BMPR1B: variants seen among roughly 807,000 people sequenced by gnomAD.
BMPR1B encodes bone morphogenetic protein receptor type 1B.
A neutral mutation model predicts 59.1 loss-of-function variants in BMPR1B; 12 were observed. The ratio of observed to expected loss-of-function variants is 0.20; its 90% CI spans 0.13 to 0.33. The LOEUF is 0.33. BMPR1B is among the 10% of genes least tolerant of loss of function. BMPR1B has a pLI of 1.00. For missense variants in BMPR1B, 550 were observed against 610.9 expected (o/e 0.90, Z 1.05); for synonymous variants, 237 against 207.3 (o/e 1.14, Z -1.23).
At chr4:94,939,406 G>A (rs1480863144) in intron 2 of BMPR1B, among the ~76,000 whole-genome samples, 1 of 152,170 alleles carries the variant, frequency 6.6e-6, no homozygotes, top group African/African-American at 2.4e-5. Context: ...TGACAGTGTG[G>A]GGTCTGTGAT....
chr4:94,893,255 G>T (rs1472868972), intron 2 of BMPR1B, among the ~76,000 whole-genome samples: 2 of 151,968 alleles, frequency 1.3e-5, no homozygotes, highest in African/African-American at 4.8e-5. Flanking sequence ...AGGCAGACTT[G>T]CAAACCTAAC....
At chr4:94,967,613 G>C (rs1364694177) in intron 2 of BMPR1B, among the ~76,000 whole-genome samples, 3 of 152,034 alleles carry the variant, frequency 2.0e-5, no homozygotes, top group Non-Finnish European at 4.4e-5. Context: ...CTCCTGAGTA[G>C]CTGGGATTAC....
chr4:95,114,916 AT>A, intron 5 of BMPR1B, 94 bp downstream of exon 5: 1 of 1,199,990 alleles, frequency 8.3e-7, no homozygotes, highest in Non-Finnish European at 1.2e-6. Flanking sequence ...TGGCCAGCCC[AT>A]TTTTAGTATA....
intron 3 of BMPR1B, among the ~76,000 whole-genome samples, chr4:95,080,306 G>A (rs192992423): frequency 6.6e-6 from 1 of 151,660 alleles, no homozygotes; most frequent in Non-Finnish European, 1.5e-5. Context: ...GTACGATCTC[G>A]GCTCACTGCA....
At chr4:94,891,528 T>G (rs1258169027) in intron 2 of BMPR1B, among the ~76,000 whole-genome samples, 2 of 152,098 alleles carry the variant, frequency 1.3e-5, no homozygotes, top group African/African-American at 4.8e-5. Flanking sequence ...CAGTGATCTT[T>G]TCGGTACTAG....
At chr4:94,998,311 C>T (rs2149105724) in intron 3 of BMPR1B, among the ~76,000 whole-genome samples, 1 of 151,344 alleles carries the variant, frequency 6.6e-6, no homozygotes, top group Non-Finnish European at 1.5e-5. Flanking sequence ...TATTAGCCTC[C>T]TCATGGATCT....
intron 1 of BMPR1B, among the ~76,000 whole-genome samples, chr4:94,791,028 C>G (rs1172494451): frequency 1.3e-5 from 2 of 152,114 alleles, no homozygotes; most frequent in African/African-American, 4.8e-5. Flanking sequence ...TGCTCTGTTA[C>G]CTAGGCTAGA....
At chr4:95,090,025 G>A (rs901907317) in intron 3 of BMPR1B, among the ~76,000 whole-genome samples, 17 of 151,898 alleles carry the variant, frequency 1.1e-4, no homozygotes, top group Admixed American at 3.9e-4. Flanking sequence ...GGTGTTACTC[G>A]GAAATTGAAA....
chr4:94,807,749 A>G (rs535794413), intron 1 of BMPR1B, among the ~76,000 whole-genome samples: 3 of 152,322 alleles, frequency 2.0e-5, no homozygotes, highest in East Asian at 3.9e-4. Flanking sequence ...CAGTGGCACA[A>G]TGTTGGCTCA....
At chr4:95,053,516 T>C (rs1194512048) in intron 3 of BMPR1B, among the ~76,000 whole-genome samples, 1 of 152,142 alleles carries the variant, frequency 6.6e-6, no homozygotes, top group Non-Finnish European at 1.5e-5. Context: ...TACTATCAAT[T>C]TGACTATTAA....
At chr4:95,075,929 A>G (rs971829982) in intron 3 of BMPR1B, among the ~76,000 whole-genome samples, 1 of 152,078 alleles carries the variant, frequency 6.6e-6, no homozygotes, top group Non-Finnish European at 1.5e-5. Flanking sequence ...GAAGGATCAG[A>G]CTTGTTAATT....
chr4:94,987,929 T>C (rs1441521969), intron 2 of BMPR1B, among the ~76,000 whole-genome samples: 1 of 152,174 alleles, frequency 6.6e-6, no homozygotes, highest in Non-Finnish European at 1.5e-5. Flanking sequence ...CAGATAATGA[T>C]TTATCATCTG....
At chr4:95,011,848 A>C (rs545535633) in intron 3 of BMPR1B, among the ~76,000 whole-genome samples, 1 of 151,906 alleles carries the variant, frequency 6.6e-6, no homozygotes, top group Non-Finnish European at 1.5e-5. Flanking sequence ...GTGAAACCCT[A>C]TCTCTACTAA....
intron 3 of BMPR1B, among the ~76,000 whole-genome samples, chr4:95,057,916 G>T (rs1360011062): frequency 6.6e-6 from 1 of 152,102 alleles, no homozygotes; most frequent in Non-Finnish European, 1.5e-5. Flanking sequence ...AAATAATGAT[G>T]ATGTATTTCT....
rs73836121 is a variant in BMPR1B at position 94,853,818 on chromosome 4, A to C, written c.-182-22013A>C. Among the ~76,000 whole-genome samples, 702 of 152,106 alleles carry C rather than the reference A, an allele frequency of 4.6e-3. 5 individuals carry two copies. The highest frequency in any genetic ancestry group is 0.016 in the African/African-American group (668 of 41,558). ...ATTCTGTATGAATTCAACATTTGGA[A>C]ATTTAAAAAAAAACAAATGAATAAT... is the stretch of plus-strand genomic sequence containing the variant. On this transcript the variant is annotated intron_variant, in intron 1 of 12. Coordinates refer to ENST00000515059, the MANE Select transcript of BMPR1B (RefSeq NM_001203.3).
intron 3 of BMPR1B, chr4:95,051,884 A>G (rs1726532177): frequency 9.5e-7 from 1 of 1,053,412 alleles, no homozygotes; most frequent in African/African-American, 1.6e-5. Context: ...ATGTCTATAA[A>G]GTTCCATCCC....
At chr4:95,142,765 A>T (rs749879066) in intron 10 of BMPR1B, among the ~76,000 whole-genome samples, 1 of 149,296 alleles carries the variant, frequency 6.7e-6, no homozygotes, top group Non-Finnish European at 1.5e-5. Flanking sequence ...ACTTCAGTTT[A>T]TGGTACAGTG....
intron 1 of BMPR1B, among the ~76,000 whole-genome samples, chr4:94,851,484 C>G (rs1316058834): frequency 2.6e-5 from 4 of 151,934 alleles, no homozygotes; most frequent in African/African-American, 9.7e-5. Flanking sequence ...TCCTAACTTC[C>G]AAGAAGTTAG....
intron 3 of BMPR1B, among the ~76,000 whole-genome samples, chr4:95,034,146 T>C (rs1023389702): frequency 6.6e-6 from 1 of 152,150 alleles, no homozygotes; most frequent in African/African-American, 2.4e-5. Flanking sequence ...AAGAACAGTA[T>C]TTAAAATTTC....
Sources: allele counts gnomAD v4.1 joint callset (sites outside exome capture counted in the v4.1 genomes callset), GRCh38; gene constraint gnomAD v4.1.1; transcripts MANE v1.5; gene names NCBI Gene and HGNC (gene_info 2026-07-23, HGNC 2026-07-21).